The following PATJ variants were observed in gnomAD, a reference collection of about 807,000 sequenced individuals.
PATJ encodes the protein PATJ crumbs cell polarity complex component.
PATJ carries 190 observed loss-of-function variants against 224.9 expected under a neutral mutation model. That is an observed-to-expected ratio of 0.84 (90% CI 0.75 to 0.95). The LOEUF is 0.95. PATJ is among the 40% of genes least tolerant of loss of function. PATJ has a pLI of 0.00. For synonymous variants in PATJ, 769 were observed against 820.3 expected (o/e 0.94, Z 1.07); for missense variants, 2,121 against 2,270.3 (o/e 0.93, Z 1.34).
At chr1:61,764,011 G>T (rs562538555) in intron 3 of PATJ, among the ~76,000 whole-genome samples, 40 of 149,558 alleles carry the variant, frequency 2.7e-4, no homozygotes, top group South Asian at 2.1e-3. Flanking sequence ...TTTTTTTTGT[G>T]TGTGTGTGTT....
Position 62,155,990 on chromosome 1 carries a change from G to A in PATJ, c.5502+2509G>A, listed in dbSNP as rs978090065. ...GGAGAATGGCGTGAACCCGGGAGGC[G>A]GAGCTTGCAGTGAGCCGAGATTGCG... On this transcript the variant is annotated intron_variant, in intron 43 of 43. Coordinates refer to ENST00000642238, the MANE Select transcript of PATJ (RefSeq NM_001350145.3). 1.1e-4 allele frequency among the ~76,000 whole-genome samples: 16 copies of A among 144,030 alleles called. No homozygotes were observed. In the East Asian group the frequency reaches 1.8e-3, roughly 16 times the overall value. The allele number at this position is 144,030 out of a possible 152,430, so 94.5% of individuals were successfully genotyped here.
chr1:61,977,420 G>C lies in PATJ; in HGVS notation c.3671-12748G>C, dbSNP rs138931510. 1.7e-4 allele frequency among the ~76,000 whole-genome samples: 26 copies of C among 152,160 alleles called. 2 individuals are homozygous for C. The highest frequency in any genetic ancestry group is 5.8e-4 in the African/African-American group (24 of 41,436). On this transcript the variant is annotated intron_variant, in intron 27 of 43. Transcript: ENST00000642238. ...TGGAAATTTTTTGGATTAGTGGGTA[G>C]GTGATAAGAAATAAGGTGGAAGGTT...
chr1:61,890,069 A>G (rs1344999923), intron 22 of PATJ, among the ~76,000 whole-genome samples: 1 of 152,188 alleles, frequency 6.6e-6, no homozygotes, highest in African/African-American at 2.4e-5. Flanking sequence ...GTGTGGATGT[A>G]TTATGAGTGA....
chr1:62,136,571 CTGTT>C (rs1052108668), intron 41 of PATJ, among the ~76,000 whole-genome samples: 15 of 150,254 alleles, frequency 1.0e-4, no homozygotes, highest in Admixed American at 9.3e-4. Flanking sequence ...TACAGCCTTC[CTGTT>C]TGTTTTCAAC....
chr1:61,980,469 GTGTGTGTGTGGTA>G (rs539589100), intron 27 of PATJ, among the ~76,000 whole-genome samples: 3,357 of 137,722 alleles, frequency 0.024, 108 homozygotes, highest in African/African-American at 0.058. Context: ...GTGTGTGTGT[GTGTGTGTGTGGTA>G]TGCATTTTCA....
At chr1:61,802,777 T>G in intron 12 of PATJ, among the ~76,000 whole-genome samples, 1 of 152,342 alleles carries the variant, frequency 6.6e-6, no homozygotes, top group East Asian at 1.9e-4. Context: ...CCTTTTACTT[T>G]GTATTTTGAT....
intron 30 of PATJ, among the ~76,000 whole-genome samples, chr1:62,045,406 A>G (rs1248750120): frequency 6.6e-6 from 1 of 152,214 alleles, no homozygotes; most frequent in Admixed American, 6.5e-5. Flanking sequence ...AATAATAAGC[A>G]TTATCACTTC....
At chr1:62,077,894 G>GA (rs376764721) in intron 31 of PATJ, among the ~76,000 whole-genome samples, 1 of 152,066 alleles carries the variant, frequency 6.6e-6, no homozygotes, top group Non-Finnish European at 1.5e-5. Context: ...TCTGCAAAAA[G>GA]AAAAAAAGTA....
chr1:62,045,456 G>A (rs759441578), intron 30 of PATJ, among the ~76,000 whole-genome samples: 1 of 152,200 alleles, frequency 6.6e-6, no homozygotes, highest in Non-Finnish European at 1.5e-5. Context: ...GAGCCCAGGG[G>A]AGGGAATTTG....
intron 29 of PATJ, among the ~76,000 whole-genome samples, chr1:62,036,608 T>C (rs1192294828): frequency 6.6e-6 from 1 of 152,166 alleles, no homozygotes; most frequent in South Asian, 2.1e-4. Flanking sequence ...GACATCCATA[T>C]ATACAATAGT....
intron 27 of PATJ, among the ~76,000 whole-genome samples, chr1:61,989,171 C>T (rs1644928298): frequency 1.3e-5 from 2 of 152,160 alleles, no homozygotes; most frequent in Admixed American, 6.5e-5. Flanking sequence ...AAAACAGGTC[C>T]TTTTGACCCT....
At chr1:61,791,948 C>T (rs1050092633) in intron 9 of PATJ, among the ~76,000 whole-genome samples, 2 of 152,160 alleles carry the variant, frequency 1.3e-5, no homozygotes, top group African/African-American at 4.8e-5. Context: ...AAAACTCTCT[C>T]AACTCCTATC....
At chr1:62,148,121 TAAA>T (rs59697245) in intron 41 of PATJ, among the ~76,000 whole-genome samples, 160 bp from the exon 42 acceptor site, 4 of 118,448 alleles carry the variant, frequency 3.4e-5, no homozygotes, top group Non-Finnish European at 1.8e-5. Flanking sequence ...ACACTGTCTT[TAAA>T]AAAAAAAAAA....
intron 30 of PATJ, among the ~76,000 whole-genome samples, chr1:62,042,929 G>A (rs564677344): frequency 8.5e-5 from 13 of 152,330 alleles, no homozygotes; most frequent in Non-Finnish European, 1.5e-4. Context: ...TTACAGGTGT[G>A]AGCTACCGAG....
At position 62,086,694 on chromosome 1, in the gene PATJ, C is replaced by A. The variant is rs139043917; in HGVS notation, c.4377+2046C>A. ...CCTAAAGCACTAGGAAACTCAAGAA[C>A]AGCATAGGCGATAGAAACCAGGGTC... On this transcript the variant is annotated intron_variant, in intron 33 of 43. Coordinates refer to ENST00000642238, the MANE Select transcript of PATJ (RefSeq NM_001350145.3). This position sits in a 1 kb window ranked among gnomAD's most constrained non-coding sequence, Gnocchi z 4.0. 6.6e-6 allele frequency among the ~76,000 whole-genome samples: 1 copy of A among 152,136 alleles called. No individual in the cohort carries two copies. The highest frequency in any genetic ancestry group is 1.5e-5 in the Non-Finnish European group (1 of 68,024).
Position 61,856,150 on chromosome 1 carries a change from T to C in PATJ, c.2233T>C (p.Leu745=), listed in dbSNP as rs1328386782. 53 of 1,614,048 alleles carry C rather than the reference T, an allele frequency of 3.3e-5. No individual in the cohort carries two copies. The highest frequency in any genetic ancestry group is 4.5e-5 in the Non-Finnish European group (53 of 1,180,014). The change falls in exon 18 of 44, where the codon TTG becomes CTG. Residue 745 remains leucine (L), a synonymous_variant. Transcript: ENST00000642238. ...CCTGGTCTCAGTCAATGAATACTGT[T>C]TGGACAACACCTCACTTGCTGAAGC... The part of the protein sequence containing the change: ...DRLVSVNEYC[L]DNTSLAEAVE...
chr1:62,099,157 T>A (rs1661793553), intron 33 of PATJ, among the ~76,000 whole-genome samples: 1 of 152,090 alleles, frequency 6.6e-6, no homozygotes, highest in Non-Finnish European at 1.5e-5. Flanking sequence ...ACGGCTTTCC[T>A]GCTGAGAAAG....
At chr1:62,078,406 C>A (rs942996596) in intron 31 of PATJ, among the ~76,000 whole-genome samples, 1 of 152,084 alleles carries the variant, frequency 6.6e-6, no homozygotes, top group African/African-American at 2.4e-5. Flanking sequence ...CCTCAGCCTC[C>A]CAAGTAGCTG....
intron 33 of PATJ, among the ~76,000 whole-genome samples, chr1:62,093,160 T>C (rs1475242612): frequency 6.6e-6 from 1 of 152,168 alleles, no homozygotes; most frequent in East Asian, 1.9e-4. Flanking sequence ...GGCAGCTACG[T>C]TAGCAAGAAA....
Sources: gnomAD v4.1 joint callset for allele counts (sites outside exome capture counted in the v4.1 genomes callset) on GRCh38, gnomAD v4.1.1 for gene constraint, Gnocchi (gnomAD v3.1) non-coding constraint, MANE v1.5 for transcripts, NCBI Gene and HGNC (gene_info 2026-07-23, HGNC 2026-07-21) for gene names.